Variants in SHISAL2A observed in about 807,000 individuals in gnomAD.
SHISAL2A encodes protein shisa-like-2A.
SHISAL2A carries 18 observed loss-of-function variants against 11.5 expected under a neutral mutation model. That is an observed-to-expected ratio of 1.57 (90% CI 1.08 to 2.33). The LOEUF (loss-of-function observed/expected upper bound fraction) is 2.33. Among genes scored for constraint, SHISAL2A ranks in the 30% most tolerant of loss-of-function variants. The pLI is 0.00. For missense variants in SHISAL2A, 261 were observed against 250.9 expected (o/e 1.04, Z -0.27); for synonymous variants, 94 against 99.6 (o/e 0.94, Z 0.34).
intron 2 of SHISAL2A, among the ~76,000 whole-genome samples, chr1:52,645,422 G>GT (rs200396955): frequency 7.2e-5 from 11 of 152,216 alleles, no homozygotes; most frequent in African/African-American, 2.2e-4. Context: ...GTTTTGTTTT[G>GT]TTTGAGACAA....
intron 1 of SHISAL2A, among the ~76,000 whole-genome samples, chr1:52,638,289 G>C (rs1201270369): frequency 6.7e-6 from 1 of 148,990 alleles, no homozygotes; most frequent in Non-Finnish European, 1.5e-5. Flanking sequence ...CTCCTCAAAG[G>C]GCCTCTCTTA....
intron 2 of SHISAL2A, among the ~76,000 whole-genome samples, chr1:52,643,593 G>A (rs1345623242): frequency 6.6e-6 from 1 of 152,146 alleles, no homozygotes; most frequent in East Asian, 1.9e-4. Context: ...GGTGGCTCAC[G>A]CCTGTAATCC....
chr1:52,652,683 G>A (rs1691694753), intron 2 of SHISAL2A, among the ~76,000 whole-genome samples: 1 of 151,940 alleles, frequency 6.6e-6, no homozygotes, highest in Non-Finnish European at 1.5e-5. Flanking sequence ...AAGTGTGTTT[G>A]GGCCGGGCGC....
chr1:52,647,175 G>T (rs542390261), intron 2 of SHISAL2A, among the ~76,000 whole-genome samples: 1 of 152,064 alleles, frequency 6.6e-6, no homozygotes, highest in Non-Finnish European at 1.5e-5. Flanking sequence ...AGGTTATAGT[G>T]CTGTTGGCCA....
chr1:52,665,559 TA>T (rs1691995170), intron 4 of SHISAL2A, among the ~76,000 whole-genome samples: 1 of 152,188 alleles, frequency 6.6e-6, no homozygotes, highest in African/African-American at 2.4e-5. Flanking sequence ...TTGTATGCAT[TA>T]TCCATATTCA....
intron 1 of SHISAL2A, among the ~76,000 whole-genome samples, chr1:52,642,551 G>A (rs2149877426): frequency 6.6e-6 from 1 of 151,364 alleles, no homozygotes; most frequent in South Asian, 2.1e-4. Context: ...TCAGCCTCCC[G>A]AGTAGGTGAG....
intron 4 of SHISAL2A, among the ~76,000 whole-genome samples, chr1:52,662,457 G>A (rs1691925600): frequency 6.6e-6 from 1 of 151,260 alleles, no homozygotes; most frequent in South Asian, 2.1e-4. Context: ...TGATTCTCCT[G>A]CCTCAGCCTT....
upstream of SHISAL2A, among the ~76,000 whole-genome samples, chr1:52,633,135 G>T (rs560793971): frequency 1.4e-3 from 216 of 152,312 alleles, 1 homozygote; most frequent in African/African-American, 5.0e-3. This position sits in a 1 kb window ranked among gnomAD's most constrained non-coding sequence, Gnocchi z 6.4. Context: ...CAGGCAGGGG[G>T]AGCGCAGTGG....
downstream of SHISAL2A, among the ~76,000 whole-genome samples, chr1:52,658,329 C>T (rs1256905256): frequency 6.6e-6 from 1 of 152,184 alleles, no homozygotes; most frequent in East Asian, 1.9e-4. Flanking sequence ...TGTGAGCCAC[C>T]ACACCTGGCC....
downstream of SHISAL2A, among the ~76,000 whole-genome samples, chr1:52,657,979 T>A (rs1474520964): frequency 2.6e-5 from 4 of 152,370 alleles, no homozygotes; most frequent in Admixed American, 6.5e-5. Context: ...CTTGCTGGGT[T>A]ATTGCAAGTG....
chr1:52,642,928 G>T lies in SHISAL2A; in HGVS notation c.248G>T (p.Cys83Phe), dbSNP rs768092165. The part of the protein sequence containing the change: ...VVLLAFIVTA[C>F]VLCYLFISSK... ...CTTCTCGCCTTCATTGTTACCGCCT[G>T]TGTGCTCTGCTACCTGTTCATCAGC... Residue 83 changes from cysteine (C) to phenylalanine (F), a missense_variant, in exon 2 of 3, where the codon TGT (cysteine) becomes TTT (phenylalanine). By Grantham distance (205) the Cys-to-Phe change is radical. Transcript: ENST00000517870. 5 of 1,614,098 alleles carry T rather than the reference G, an allele frequency of 3.1e-6. No homozygotes were observed. In the South Asian group the frequency reaches 4.4e-5, roughly 14 times the overall value.
At chr1:52,643,768 G>T (rs1048535155) in intron 2 of SHISAL2A, among the ~76,000 whole-genome samples, 5 of 152,062 alleles carry the variant, frequency 3.3e-5, no homozygotes. Context: ...CAGGAGAATC[G>T]CTTGAACCTG....
chr1:52,656,919 C>T lies in SHISAL2A; in HGVS notation c.452C>T (p.Ala151Val). The T allele has an allele frequency of 6.2e-7, 1 of 1,614,194 alleles. No homozygotes were observed. Among genetic ancestry groups the T allele is most frequent in the Non-Finnish European group, 8.5e-7 (1 of 1,180,034 alleles). Residue 151 changes from alanine (A) to valine (V), a missense_variant, in exon 3 of 3, where the codon GCT (alanine) becomes GTT (valine). Coordinates refer to ENST00000517870, the MANE Select transcript of SHISAL2A (RefSeq NM_001042693.3). The stretch of plus-strand genomic sequence containing the variant: ...CAGCTGGAGAGCAATGAGGGGCAGG[C>T]TGTGAACTCCAAACGCCTCCTCCAT... Reference protein sequence around the residue: ...NPQLESNEGQAVNSKRLLHHC... With the variant: ...NPQLESNEGQVVNSKRLLHHC...
In SHISAL2A at chr1:52,633,588, T is replaced by C. The variant is rs749698003; in HGVS notation, c.95T>C (p.Phe32Ser). ...PRPGGEAAAV[F>S]CCGFRDHKYC... Reference sequence around the variant, plus strand: ...CCGGGGGGCGAGGCGGCCGCTGTCTTCTGCTGCGGCTTCCGCGACCACAAG... The same window carrying C: ...CCGGGGGGCGAGGCGGCCGCTGTCTCCTGCTGCGGCTTCCGCGACCACAAG... The change falls in exon 1 of 3, where the codon TTC becomes TCC. Residue 32 changes from phenylalanine to serine, a missense_variant. Coordinates refer to ENST00000517870, the MANE Select transcript of SHISAL2A (RefSeq NM_001042693.3). The surrounding 1 kb of genome is among the most constrained non-coding windows in gnomAD (Gnocchi z 6.4). 2 of 1,612,216 alleles carry C rather than the reference T, an allele frequency of 1.2e-6. No homozygotes were observed. Among genetic ancestry groups the C allele is most frequent in the Non-Finnish European group, 1.7e-6 (2 of 1,179,312 alleles).
At chr1:52,666,583 C>CGCGTGTGTGT (rs1553253597) in intron 4 of SHISAL2A, among the ~76,000 whole-genome samples, 3 of 150,364 alleles carry the variant, frequency 2.0e-5, no homozygotes, top group African/African-American at 7.3e-5. Context: ...TGCACACGCG[C>CGCGTGTGTGT]GTGTGTGTGT....
At chr1:52,664,481 G>A (rs562619161) in intron 4 of SHISAL2A, among the ~76,000 whole-genome samples, 5 of 151,726 alleles carry the variant, frequency 3.3e-5, no homozygotes, top group Admixed American at 1.3e-4. Context: ...TCAGCCTCCC[G>A]AGTAGCTGAG....
rs7514005 is a variant in SHISAL2A, at chr1:52,653,490, G to A, written c.323-3300G>A. Among the ~76,000 whole-genome samples the A allele has an allele frequency of 9.9e-3, 1,502 of 151,646 alleles. 30 individuals are homozygous for A. Among genetic ancestry groups the A allele is most frequent in the African/African-American group, 0.033 (1,383 of 41,378 alleles). The stretch of plus-strand genomic sequence containing the variant: ...AAAGAAAACTACAAAATGCTTAGCC[G>A]GGCATGATGGCATGTGGCTGAGGTG... On this transcript the variant is annotated intron_variant, in intron 2 of 2. Coordinates refer to ENST00000517870, the MANE Select transcript of SHISAL2A (RefSeq NM_001042693.3).
At chr1:52,666,583 CGT>C (rs3082869) in intron 4 of SHISAL2A, among the ~76,000 whole-genome samples, 3,517 of 150,378 alleles carry the variant, frequency 0.023, 107 homozygotes, top group African/African-American at 0.068. Flanking sequence ...TGCACACGCG[CGT>C]GTGTGTGTGT....
rs36154490 is a variant in SHISAL2A, at chr1:52,652,965, CAAAAAAAAAAAAAAAAAAAA to C, written c.323-3811_323-3792del. On this transcript the variant is annotated intron_variant, in intron 2 of 2. Transcript: ENST00000517870. ...TGGGTGACAGAGTGAGACTCTGTCT[CAAAAAAAAAAAAAAAAAAAA>C]AAAAAAAAAAAAAGAACTAAGTTTG... 1.3e-4 allele frequency among the ~76,000 whole-genome samples: 3 copies of C among 22,370 alleles called. 1 individual carries two copies. The highest frequency in any genetic ancestry group is 1.0e-3 in the Admixed American group (1 of 980). 14.7% of individuals were successfully genotyped at this position (22,370 alleles called of 152,430 possible). A position where few individuals can be genotyped will look rare whatever the true frequency, so the allele number is the denominator to read the frequency against.
Sources: gnomAD v4.1 joint callset for allele counts (sites outside exome capture counted in the v4.1 genomes callset) on GRCh38, gnomAD v4.1.1 for gene constraint, Gnocchi (gnomAD v3.1) non-coding constraint, MANE v1.5 for transcripts, NCBI Gene and HGNC (gene_info 2026-07-23, HGNC 2026-07-21) for gene names.